CACNG3: variants seen among roughly 807,000 people sequenced by gnomAD.
The protein encoded by CACNG3 is voltage-dependent calcium channel gamma-3 subunit.
A neutral mutation model predicts 28.5 loss-of-function variants in CACNG3; 3 were observed. That is an observed-to-expected ratio of 0.11 (90% CI 0.05 to 0.27). CACNG3 has a LOEUF of 0.27. CACNG3 is among the 10% of genes least tolerant of loss of function. CACNG3 has a pLI of 1.00. For missense variants in CACNG3, 236 were observed against 414.4 expected (o/e 0.57, Z 3.74); for synonymous variants, 174 against 162.2 (o/e 1.07, Z -0.55).
At chr16:24,308,858 A>AAAAAAAAAAG in intron 1 of CACNG3, among the ~76,000 whole-genome samples, 1 of 149,752 alleles carries the variant, frequency 6.7e-6, no homozygotes, top group Non-Finnish European at 1.5e-5. Context: ...AAAAAAAAAA[A>AAAAAAAAAAG]AAAAAAAAAG....
chr16:24,321,547 C>T (rs547658157), intron 1 of CACNG3, among the ~76,000 whole-genome samples: 1 of 152,228 alleles, frequency 6.6e-6, no homozygotes, highest in Admixed American at 6.5e-5. Flanking sequence ...TTAAGTAACC[C>T]TAGTTTTACT....
At chr16:24,339,348 A>G (rs542769200) in intron 1 of CACNG3, among the ~76,000 whole-genome samples, 1 of 145,762 alleles carries the variant, frequency 6.9e-6, no homozygotes, top group South Asian at 2.2e-4. Flanking sequence ...CATTCATTCT[A>G]CTGTGTTTTC....
chr16:24,261,868 C>T (rs1264997074), intron 1 of CACNG3, among the ~76,000 whole-genome samples: 2 of 152,114 alleles, frequency 1.3e-5, no homozygotes, highest in Non-Finnish European at 2.9e-5. Context: ...CTTTTTCAGC[C>T]AGACGGGGTT....
intron 1 of CACNG3, among the ~76,000 whole-genome samples, chr16:24,338,999 C>A (rs1279969339): frequency 6.6e-6 from 1 of 152,308 alleles, no homozygotes; most frequent in East Asian, 1.9e-4. Context: ...TTCTCATTAA[C>A]CTTCAGGTCT....
rs1668263296 is a variant in CACNG3, at chr16:24,268,703, G to A, written c.211+11738G>A. ...AATGATTTGGAAGTGAGAAGAACAG[G>A]GAGTCTGATGGGATGCAGGTGAACA... On this transcript the variant is annotated intron_variant, in intron 1 of 3. Transcript: ENST00000005284. Among the ~76,000 whole-genome samples, 3 of 152,166 alleles carry A rather than the reference G, an allele frequency of 2.0e-5. 1 individual carries two copies. The highest frequency in any genetic ancestry group is 2.0e-4 in the Admixed American group (3 of 15,276).
chr16:24,257,320 G>T (rs1898472040), intron 1 of CACNG3, among the ~76,000 whole-genome samples: 4 of 142,324 alleles, frequency 2.8e-5, no homozygotes. Context: ...ATTTCGAAGG[G>T]AGGGGGAGGG....
At chr16:24,336,302 C>T (rs1473876258) in intron 1 of CACNG3, among the ~76,000 whole-genome samples, 1 of 150,616 alleles carries the variant, frequency 6.6e-6, no homozygotes, top group Non-Finnish European at 1.5e-5. Context: ...GACGGAGTCT[C>T]GCTCTGTCTC....
At chr16:24,271,789 T>G (rs1898694768) in intron 1 of CACNG3, among the ~76,000 whole-genome samples, 1 of 152,180 alleles carries the variant, frequency 6.6e-6, no homozygotes, top group Non-Finnish European at 1.5e-5. Context: ...CTCCTGTATG[T>G]GGCAGAGAGT....
intron 1 of CACNG3, among the ~76,000 whole-genome samples, chr16:24,312,335 T>C (rs541489758): frequency 2.3e-4 from 35 of 152,138 alleles, no homozygotes; most frequent in Non-Finnish European, 5.0e-4. Flanking sequence ...AATTGCATAA[T>C]GAAAAGAAAT....
chr16:24,346,863 C>A (rs1430014429), intron 2 of CACNG3, 46 bp downstream of exon 2: 3 of 1,441,956 alleles, frequency 2.1e-6, no homozygotes, highest in Non-Finnish European at 2.0e-6. Context: ...AAGGGATGGG[C>A]CTCTGCCATC....
intron 3 of CACNG3, among the ~76,000 whole-genome samples, chr16:24,360,867 T>A (rs1363815731): frequency 6.6e-6 from 1 of 152,270 alleles, no homozygotes; most frequent in East Asian, 1.9e-4. Flanking sequence ...CAGTGCCAGG[T>A]TCTTAGTCTT....
chr16:24,355,721 T>C (rs1469833300), intron 3 of CACNG3, among the ~76,000 whole-genome samples: 1 of 152,220 alleles, frequency 6.6e-6, no homozygotes, highest in African/African-American at 2.4e-5. Context: ...CTCACCATTT[T>C]ATACCCTCCT....
At chr16:24,289,550 G>A (rs1288998228) in intron 1 of CACNG3, among the ~76,000 whole-genome samples, 2 of 152,170 alleles carry the variant, frequency 1.3e-5, no homozygotes, top group Non-Finnish European at 2.9e-5. Context: ...GTGGGTCTGA[G>A]CCATCAACAC....
At chr16:24,343,292 T>C (rs1354628759) in intron 1 of CACNG3, among the ~76,000 whole-genome samples, 1 of 152,106 alleles carries the variant, frequency 6.6e-6, no homozygotes, top group Non-Finnish European at 1.5e-5. Context: ...GAAGTCACCA[T>C]GAATAGGCCC....
chr16:24,273,181 T>C (rs1023657749), intron 1 of CACNG3, among the ~76,000 whole-genome samples: 9 of 152,260 alleles, frequency 5.9e-5, no homozygotes, highest in Non-Finnish European at 1.2e-4. Context: ...ACGTCAGAGA[T>C]ACTGCTGTCT....
In CACNG3 at chr16:24,354,843, G is replaced by A. The variant is rs1185490798; in HGVS notation, c.306G>A (p.Arg102=). 3 of 1,612,070 alleles carry A rather than the reference G, an allele frequency of 1.9e-6. No homozygotes were observed. Among genetic ancestry groups the A allele is most frequent in the Non-Finnish European group, 2.5e-6 (3 of 1,179,906 alleles). ...DTAEYLLRAV[R]ASSVFPILSV... is the part of the protein sequence containing the mutation. ...TCCTTCTCTCCGCAGGAGCTGTGAG[G>A]GCCTCCAGTGTCTTCCCCATCCTCA... The change falls in exon 3 of 4, where the codon AGG becomes AGA. Residue 102 remains arginine, a synonymous_variant. Coordinates refer to ENST00000005284, the MANE Select transcript of CACNG3 (RefSeq NM_006539.4).
chr16:24,350,747 C>G (rs1027184339), intron 2 of CACNG3, among the ~76,000 whole-genome samples: 1 of 152,250 alleles, frequency 6.6e-6, no homozygotes, highest in African/African-American at 2.4e-5. Flanking sequence ...ACATTGAATA[C>G]TCAAGCAATT....
chr16:24,266,188 A>C (rs1037149580), intron 1 of CACNG3, among the ~76,000 whole-genome samples: 1 of 152,196 alleles, frequency 6.6e-6, no homozygotes, highest in Non-Finnish European at 1.5e-5. Context: ...CTTGGGAGCC[A>C]GTGTTTCTAC....
intron 1 of CACNG3, among the ~76,000 whole-genome samples, chr16:24,315,550 TTTC>T (rs1008563079): frequency 4.5e-4 from 69 of 151,790 alleles, no homozygotes; most frequent in Middle Eastern, 3.4e-3. Context: ...CTTTTTTTCT[TTTC>T]TTCTTTCTTT....
Sources: allele counts gnomAD v4.1 joint callset (sites outside exome capture counted in the v4.1 genomes callset), GRCh38; gene constraint gnomAD v4.1.1; transcripts MANE v1.5; gene names NCBI Gene and HGNC (gene_info 2026-07-23, HGNC 2026-07-21).